Variants in FGD5 observed in about 807,000 individuals in gnomAD.
FGD5 encodes FYVE, RhoGEF and PH domain containing 5, also known as FYVE, RhoGEF and PH domain-containing protein 5.
A neutral mutation model predicts 133.4 loss-of-function variants in FGD5; 28 were observed. The observed-to-expected ratio is 0.21, with a 90% CI of 0.16 to 0.29. The LOEUF (loss-of-function observed/expected upper bound fraction) is 0.29. Ranked by LOEUF, FGD5 falls within the 10% of genes least tolerant of loss-of-function variation. The pLI is 1.00. For missense variants in FGD5, 1,858 were observed against 1,895.2 expected (o/e 0.98, Z 0.36); for synonymous variants, 810 against 776.5 (o/e 1.04, Z -0.72).
At chr3:14,874,382 G>A (rs1476485703) in intron 2 of FGD5, among the ~76,000 whole-genome samples, 1 of 152,134 alleles carries the variant, frequency 6.6e-6, no homozygotes, top group East Asian at 1.9e-4. Context: ...AGCTGGGTGT[G>A]ATGGCGTGCA....
chr3:14,883,010 A>G lies in FGD5; in HGVS notation c.2748+2238A>G, dbSNP rs201872294. Among the ~76,000 whole-genome samples, 11 of 152,122 alleles carry G rather than the reference A, an allele frequency of 7.2e-5. No homozygotes were observed. The East Asian group carries it at 1.9e-3, about 27-fold the overall frequency. ...AGGAGGAGCTGACGGTGTCCCCCAA[A>G]TCTCCCCAGCAGGAAGGGTCCTGGG... On this transcript the variant is annotated intron_variant, in intron 4 of 19. Coordinates refer to ENST00000285046, the MANE Select transcript of FGD5 (RefSeq NM_152536.4).
At chr3:14,811,144 G>T (rs2036286965) in intron 1 of FGD5, among the ~76,000 whole-genome samples, 1 of 152,138 alleles carries the variant, frequency 6.6e-6, no homozygotes, top group Non-Finnish European at 1.5e-5. Flanking sequence ...CACTCGCACG[G>T]CGTTCCCCGG....
At chr3:14,836,509 C>G (rs1468077403) in intron 1 of FGD5, among the ~76,000 whole-genome samples, 1 of 152,198 alleles carries the variant, frequency 6.6e-6, no homozygotes, top group African/African-American at 2.4e-5. Context: ...TCAGCAGCAC[C>G]GTGAGTGAGG....
rs2036438740 is a variant in FGD5 at position 14,819,544 on chromosome 3, A to C, written c.473A>C (p.Glu158Ala). 1 of 1,551,420 alleles carries C rather than the reference A, an allele frequency of 6.4e-7. No homozygotes were observed. Among genetic ancestry groups the C allele is most frequent in the Non-Finnish European group, 8.7e-7 (1 of 1,146,960 alleles). ...TGCGCTGATGAGCCAGGGACACTGG[A>C]GCAGGTGTCCAGAAGTGAGGAGGAA... ...EGCADEPGTL[E>A]QVSRSEEEEK... The change falls in exon 1 of 20, where the codon GAG (glutamate) becomes GCG (alanine). Residue 158 changes from glutamate to alanine, a missense_variant. Coordinates refer to ENST00000285046, the MANE Select transcript of FGD5 (RefSeq NM_152536.4). This position sits in a 1 kb window ranked among gnomAD's most constrained non-coding sequence, Gnocchi z 4.1.
At position 14,867,493 on chromosome 3, in the gene FGD5, CCCA is replaced by C. The variant is rs2037517876; in HGVS notation, c.2658+3234_2658+3236del. On this transcript the variant is annotated intron_variant, in intron 2 of 19. Transcript: ENST00000285046. ...ATAAAAGGTTTTCTGAAGGGTAGAT[CCCA>C]GAAGGCAATCAATGGACCAGAGAGC... Among the ~76,000 whole-genome samples, 26 of 152,266 alleles carry C rather than the reference CCCA, an allele frequency of 1.7e-4. No homozygotes were observed. The South Asian group carries it at 5.4e-3, about 32-fold the overall frequency.
At chr3:14,874,106 A>G (rs935442696) in intron 2 of FGD5, among the ~76,000 whole-genome samples, 1 of 152,232 alleles carries the variant, frequency 6.6e-6, no homozygotes, top group African/African-American at 2.4e-5. Flanking sequence ...ATTCAGCCAT[A>G]AAAAGGAAGG....
chr3:14,909,212 C>G (rs984944815), intron 10 of FGD5, among the ~76,000 whole-genome samples: 1 of 152,176 alleles, frequency 6.6e-6, no homozygotes, highest in Non-Finnish European at 1.5e-5. Flanking sequence ...AGGTGATCAG[C>G]CTGCCTCAGC....
At chr3:14,834,979 C>T (rs1193370129) in intron 1 of FGD5, among the ~76,000 whole-genome samples, 5 of 152,192 alleles carry the variant, frequency 3.3e-5, no homozygotes, top group African/African-American at 7.2e-5. Context: ...GGATCATCAG[C>T]CCCATTTTAC....
chr3:14,840,448 A>G (rs971432498), intron 1 of FGD5, among the ~76,000 whole-genome samples: 1 of 152,130 alleles, frequency 6.6e-6, no homozygotes, highest in Non-Finnish European at 1.5e-5. Flanking sequence ...CCCAGCCTAC[A>G]TTTATATTTC....
rs1477448609 is a variant in FGD5 at position 14,934,252 on chromosome 3, A to C, written c.*1085A>C. 1.3e-5 allele frequency: 2 copies of C among 152,182 alleles called. No individual in the cohort carries two copies. Among genetic ancestry groups the C allele is most frequent in the African/African-American group, 4.8e-5 (2 of 41,434 alleles). The allele number at this position is 152,182 out of a possible 1,614,324, so 9.4% of individuals were successfully genotyped here. ...AGAAGTCGTGGCCTGAGGCTGTTCT[A>C]TGGGCACTTGGGGCTAAATCGCCTC... On this transcript the variant is annotated 3_prime_UTR_variant, in exon 20 of 20. Transcript: ENST00000285046.
intron 1 of FGD5, among the ~76,000 whole-genome samples, chr3:14,836,201 G>C (rs2036813949): frequency 6.6e-6 from 1 of 152,192 alleles, no homozygotes; most frequent in African/African-American, 2.4e-5. Context: ...CTGCTCTGAG[G>C]GATAACAAGA....
Position 14,922,098 on chromosome 3 carries a change from C to A in FGD5, c.3669+81C>A. On this transcript the variant is annotated intron_variant, in intron 14 of 19. Coordinates refer to ENST00000285046, the MANE Select transcript of FGD5 (RefSeq NM_152536.4). This position sits in a 1 kb window ranked among gnomAD's most constrained non-coding sequence, Gnocchi z 4.1. ...GGGCGGGCATTGCTGTTGCCACTCACACCCAGATGGACGTGTAGCTCCTGT... is the reference window on the plus strand; with the variant it reads ...GGGCGGGCATTGCTGTTGCCACTCAAACCCAGATGGACGTGTAGCTCCTGT... 3 of 1,380,274 alleles carry A rather than the reference C, an allele frequency of 2.2e-6. No individual in the cohort carries two copies. Among genetic ancestry groups the A allele is most frequent in the East Asian group, 2.5e-5 (1 of 40,154 alleles). 85.5% of individuals were successfully genotyped at this position (1,380,274 alleles called of 1,614,324 possible). A position where few individuals can be genotyped will look rare whatever the true frequency, so the allele number is the denominator to read the frequency against.
chr3:14,926,585 T>C (rs1279624634), intron 18 of FGD5, among the ~76,000 whole-genome samples: 1 of 152,270 alleles, frequency 6.6e-6, no homozygotes, highest in Non-Finnish European at 1.5e-5. Flanking sequence ...TGGAGGAAGC[T>C]ACTCCCTTTT....
intron 11 of FGD5, among the ~76,000 whole-genome samples, chr3:14,916,348 A>C (rs1342694918): frequency 6.6e-6 from 1 of 152,236 alleles, no homozygotes; most frequent in Non-Finnish European, 1.5e-5. Context: ...TTAGCTAACC[A>C]GAAATACTCT....
chr3:14,923,298 C>T, intron 16 of FGD5, 123 bp downstream of exon 16: 3 of 1,344,092 alleles, frequency 2.2e-6, no homozygotes, highest in Non-Finnish European at 3.0e-6. Context: ...GTTATTCACT[C>T]CATGGAGGGA....
At chr3:14,813,419 CTT>C (rs1330627734) in intron 1 of FGD5, among the ~76,000 whole-genome samples, 1 of 152,178 alleles carries the variant, frequency 6.6e-6, no homozygotes, top group Non-Finnish European at 1.5e-5. Context: ...TCAGGCTTGG[CTT>C]GGACATTCCA....
chr3:14,873,772 A>AG (rs2037662392), intron 2 of FGD5, among the ~76,000 whole-genome samples: 1 of 146,770 alleles, frequency 6.8e-6, no homozygotes, highest in African/African-American at 2.5e-5. Flanking sequence ...CCCAGGCTGG[A>AG]GTGTAGTGGC....
intron 1 of FGD5, among the ~76,000 whole-genome samples, chr3:14,826,078 A>G (rs1474751243): frequency 6.6e-6 from 1 of 152,228 alleles, no homozygotes; most frequent in Admixed American, 6.5e-5. Flanking sequence ...TGTGTTTTGC[A>G]TGATAGCAGT....
chr3:14,812,481 G>C (rs2036309485), intron 1 of FGD5, among the ~76,000 whole-genome samples: 1 of 152,234 alleles, frequency 6.6e-6, no homozygotes, highest in South Asian at 2.1e-4. Flanking sequence ...CTGGGGGATG[G>C]AGTGAGTCGG....
Sources: allele counts gnomAD v4.1 joint callset (sites outside exome capture counted in the v4.1 genomes callset), GRCh38; gene constraint gnomAD v4.1.1; non-coding constraint Gnocchi (gnomAD v3.1); transcripts MANE v1.5; gene names NCBI Gene and HGNC (gene_info 2026-07-23, HGNC 2026-07-21).